FHIP1A: variants seen among roughly 807,000 people sequenced by gnomAD.
FHIP1A encodes FHF complex subunit HOOK-interacting protein 1A.
FHIP1A carries 61 observed loss-of-function variants against 88.6 expected under a neutral mutation model. The ratio of observed to expected loss-of-function variants is 0.69; its 90% CI spans 0.56 to 0.85. FHIP1A has a LOEUF of 0.85. Ranked by LOEUF, FHIP1A falls within the 40% of genes least tolerant of loss-of-function variation. The pLI is 0.00. For missense variants in FHIP1A, 1,154 were observed against 1,273.5 expected (o/e 0.91, Z 1.43); for synonymous variants, 478 against 496.0 (o/e 0.96, Z 0.48).
At chr4:151,479,933 C>T (rs1278739948) in intron 2 of FHIP1A, among the ~76,000 whole-genome samples, 2 of 151,942 alleles carry the variant, frequency 1.3e-5, no homozygotes, top group African/African-American at 4.8e-5. Flanking sequence ...GGACTGTGAG[C>T]CTGAATTTGA....
chr4:151,622,570 A>G (rs369959414), intron 7 of FHIP1A, among the ~76,000 whole-genome samples: 1 of 152,228 alleles, frequency 6.6e-6, no homozygotes, highest in African/African-American at 2.4e-5. Context: ...TAGTTCTCAT[A>G]AGATTGTTGG....
rs1282253396 is a variant in FHIP1A at position 151,667,361 on chromosome 4, A to G, written c.*4607A>G. 4 of 152,212 alleles carry G rather than the reference A, an allele frequency of 2.6e-5. No individual in the cohort carries two copies. The highest frequency in any genetic ancestry group is 7.2e-5 in the African/African-American group (3 of 41,460). 9.4% of individuals were successfully genotyped at this position (152,212 alleles called of 1,614,324 possible). On this transcript the variant is annotated 3_prime_UTR_variant, in exon 14 of 14. Coordinates refer to ENST00000435205, the MANE Select transcript of FHIP1A (RefSeq NM_001109977.3). ...ACCCTTAAATCACATCACTGAGGAA[A>G]CACTGTAAGAGAATGCAGTTGACTC... is the stretch of plus-strand genomic sequence containing the variant.
intron 3 of FHIP1A, among the ~76,000 whole-genome samples, chr4:151,489,030 A>G (rs996827742): frequency 6.6e-6 from 1 of 152,208 alleles, no homozygotes; most frequent in African/African-American, 2.4e-5. Context: ...CACCACAGGA[A>G]CATACCAGGA....
intron 3 of FHIP1A, among the ~76,000 whole-genome samples, chr4:151,502,655 G>A (rs1730695296): frequency 6.6e-6 from 1 of 152,166 alleles, no homozygotes; most frequent in Admixed American, 6.5e-5. Context: ...TGCATTATGG[G>A]AATCCTAAAA....
intron 3 of FHIP1A, among the ~76,000 whole-genome samples, chr4:151,558,532 C>CA (rs1733045488): frequency 4.6e-5 from 7 of 151,062 alleles, no homozygotes; most frequent in South Asian, 2.1e-4. Context: ...CATCCTGTCT[C>CA]AAACAAAACA....
intron 3 of FHIP1A, among the ~76,000 whole-genome samples, chr4:151,513,115 T>C (rs1260193099): frequency 1.3e-5 from 2 of 152,088 alleles, no homozygotes; most frequent in Admixed American, 6.5e-5. Flanking sequence ...CGGCAGAAAC[T>C]CTACAAGCCA....
intron 7 of FHIP1A, 70 bp downstream of exon 7, chr4:151,588,996 A>G (rs944967861): frequency 2.0e-6 from 2 of 1,013,924 alleles, no homozygotes; most frequent in Non-Finnish European, 3.0e-6. Context: ...GGGTAAACAC[A>G]GTGTAATTGA....
intron 3 of FHIP1A, among the ~76,000 whole-genome samples, chr4:151,517,811 C>T (rs1732870258): frequency 6.6e-6 from 1 of 151,870 alleles, no homozygotes; most frequent in Admixed American, 6.6e-5. Context: ...AAATAAAAAA[C>T]ATTAAAAATC....
chr4:151,610,870 G>C (rs1735296396), intron 7 of FHIP1A, among the ~76,000 whole-genome samples: 1 of 152,110 alleles, frequency 6.6e-6, no homozygotes, highest in South Asian at 2.1e-4. Flanking sequence ...TTATAGATTT[G>C]TTATGTTGTA....
intron 3 of FHIP1A, among the ~76,000 whole-genome samples, chr4:151,487,932 A>T (rs139369120): frequency 6.6e-6 from 1 of 152,042 alleles, no homozygotes; most frequent in Non-Finnish European, 1.5e-5. Context: ...ATTATCCTTT[A>T]CTTCATTTTC....
chr4:151,577,318 C>G lies in FHIP1A; in HGVS notation c.106-132C>G, dbSNP rs112297344. ...TGAGAGGGAGACACACACACACACA[C>G]ACAATGCCCACACATATCTTGTGGG... On this transcript the variant is annotated intron_variant, in intron 4 of 13. Coordinates refer to ENST00000435205, the MANE Select transcript of FHIP1A (RefSeq NM_001109977.3). The G allele has an allele frequency of 2.9e-3, 2,182 of 744,532 alleles. 42 individuals are homozygous for G. In the African/African-American group the frequency reaches 0.035, roughly 12 times the overall value. 46.1% of individuals were successfully genotyped at this position (744,532 alleles called of 1,614,324 possible). A position where few individuals can be genotyped will look rare whatever the true frequency, so the allele number is the denominator to read the frequency against.
chr4:151,589,803 C>G (rs190333013), intron 7 of FHIP1A, among the ~76,000 whole-genome samples: 1 of 152,200 alleles, frequency 6.6e-6, no homozygotes, highest in Non-Finnish European at 1.5e-5. Flanking sequence ...CAGATCTTGA[C>G]AGAAGATGTT....
chr4:151,664,017 A>G lies in FHIP1A; in HGVS notation c.*1263A>G, dbSNP rs1472330019. 6.6e-6 allele frequency among the ~76,000 whole-genome samples: 1 copy of G among 152,230 alleles called. No homozygotes were observed. Among genetic ancestry groups the G allele is most frequent in the Non-Finnish European group, 1.5e-5 (1 of 68,038 alleles). On this transcript the variant is annotated 3_prime_UTR_variant, in exon 14 of 14. Transcript: ENST00000435205. Reference sequence around the variant, plus strand: ...TGTTAAACCACCACCAAGAGGGGAAAACAGAATAATTGTGAGCTGAAAATG... The same window carrying G: ...TGTTAAACCACCACCAAGAGGGGAAGACAGAATAATTGTGAGCTGAAAATG...
chr4:151,511,718 C>T (rs531369039), intron 3 of FHIP1A, among the ~76,000 whole-genome samples: 23 of 152,352 alleles, frequency 1.5e-4, no homozygotes, highest in Admixed American at 9.8e-4. Flanking sequence ...TGCAAGGTGT[C>T]AGTGAGGCTG....
rs1267217037 is a variant in FHIP1A at position 151,577,877 on chromosome 4, C to A, written c.533C>A (p.Ser178Tyr). Reference protein sequence around the residue: ...QLCSILAKDPSILELFFHTSE... With the variant: ...QLCSILAKDPYILELFFHTSE... ...TGTTCCATTCTTGCCAAAGATCCAT[C>A]CATTTTAGAACTCTTCTTCCACACT... The change falls in exon 5 of 14, where the codon TCC becomes TAC. Residue 178 changes from serine to tyrosine, a missense_variant. Coordinates refer to ENST00000435205, the MANE Select transcript of FHIP1A (RefSeq NM_001109977.3). 56 of 1,551,780 alleles carry A rather than the reference C, an allele frequency of 3.6e-5. No individual in the cohort carries two copies. The highest frequency in any genetic ancestry group is 4.8e-5 in the Non-Finnish European group (55 of 1,147,032).
chr4:151,542,752 T>G lies in FHIP1A; in HGVS notation c.-122-23386T>G, dbSNP rs1732344394. ...AGTCAGTTGTCTTCCCTGGGGGAAA[T>G]AAGCTTGTTTTCCGCTCCCTACAGC... is the stretch of plus-strand genomic sequence containing the variant. On this transcript the variant is annotated intron_variant, in intron 3 of 13. Transcript: ENST00000435205. Among the ~76,000 whole-genome samples the G allele has an allele frequency of 2.0e-5, 3 of 152,094 alleles. No individual in the cohort carries two copies. In the East Asian group the frequency reaches 5.8e-4, roughly 29 times the overall value.
At chr4:151,461,933 T>C (rs1457044187) in intron 2 of FHIP1A, among the ~76,000 whole-genome samples, 1 of 151,942 alleles carries the variant, frequency 6.6e-6, no homozygotes, top group Non-Finnish European at 1.5e-5. Context: ...GAGGCTGAGG[T>C]GGGAGGATTG....
chr4:151,660,183 G>A (rs987734212), intron 13 of FHIP1A, among the ~76,000 whole-genome samples: 4 of 152,196 alleles, frequency 2.6e-5, no homozygotes, highest in African/African-American at 9.7e-5. Flanking sequence ...CCAAGACCCC[G>A]GAGGGGAGCC....
At chr4:151,561,380 C>T (rs908278924) in intron 3 of FHIP1A, among the ~76,000 whole-genome samples, 4 of 152,034 alleles carry the variant, frequency 2.6e-5, no homozygotes, top group Non-Finnish European at 2.9e-5. Context: ...TTTCGCAGTC[C>T]AGCATTGCCC....
Sources: allele counts gnomAD v4.1 joint callset (sites outside exome capture counted in the v4.1 genomes callset), GRCh38; gene constraint gnomAD v4.1.1; transcripts MANE v1.5; gene names NCBI Gene and HGNC (gene_info 2026-07-23, HGNC 2026-07-21).